MISP: variants seen among roughly 807,000 people sequenced by gnomAD.
MISP encodes the protein mitotic spindle positioning.
In MISP, 51 loss-of-function variants were observed where a neutral mutation model predicts 49.3. The ratio of observed to expected loss-of-function variants is 1.03; its 90% CI spans 0.83 to 1.31. MISP has a LOEUF of 1.31. Ranked by LOEUF, MISP falls within the 50% of genes most tolerant of loss-of-function variation. MISP has a pLI of 0.00. For missense variants in MISP, 1,084 were observed against 935.1 expected, an observed-to-expected ratio of 1.16 and a Z score of -2.08; for synonymous variants, 444 against 392.6, an observed-to-expected ratio of 1.13 and a Z score of -1.55.
chr19:753,993 C>G (rs575453809), intron 1 of MISP, among the ~76,000 whole-genome samples: 1 of 152,240 alleles, frequency 6.6e-6, no homozygotes, highest in South Asian at 2.1e-4. Context: ...ATCCCTGTGT[C>G]TTCAGGTGAG....
intron 1 of MISP, among the ~76,000 whole-genome samples, chr19:756,548 T>C (rs955398611): frequency 3.3e-5 from 5 of 152,196 alleles, no homozygotes; most frequent in African/African-American, 1.2e-4. Flanking sequence ...GGTGGGATGC[T>C]CTGATTGGCC....
chr19:753,744 T>C (rs2033499363), intron 1 of MISP, among the ~76,000 whole-genome samples: 1 of 150,078 alleles, frequency 6.7e-6, no homozygotes, highest in Admixed American at 6.7e-5. Flanking sequence ...AATAATAGCC[T>C]TGGTGGCCCG....
Position 761,678 on chromosome 19 carries a change from G to A in MISP, c.1950+15G>A, listed in dbSNP as rs376786085. 3.1e-5 allele frequency: 50 copies of A among 1,613,858 alleles called. No homozygotes were observed. Among genetic ancestry groups the A allele is most frequent in the Admixed American group, 6.7e-5 (4 of 59,992 alleles). On this transcript the variant is annotated intron_variant, in intron 4 of 4. Transcript: ENST00000215582. ...TCAACTCAGAGGTGAGTATGCTCCT[G>A]GGCACGAAGACTCAAGTCTTTCCCC...
In MISP at chr19:758,355, T is replaced by G. The variant is rs770341604; in HGVS notation, c.1409T>G (p.Leu470Arg). The change falls in exon 2 of 5, where the codon CTC (leucine) becomes CGC (arginine). Residue 470 changes from leucine (L) to arginine (R), a missense_variant. Transcript: ENST00000215582. Reference sequence around the variant, plus strand: ...AAGGCCACGATGTCCCCGAGGCATCTCTCAGAATCCTCTGGAAAACCCCTG... The same window carrying G: ...AAGGCCACGATGTCCCCGAGGCATCGCTCAGAATCCTCTGGAAAACCCCTG... ...SPKATMSPRH[L>R]SESSGKPLST... The G allele has an allele frequency of 6.2e-7, 1 of 1,614,126 alleles. No individual in the cohort carries two copies. Among genetic ancestry groups the G allele is most frequent in the South Asian group, 1.1e-5 (1 of 91,078 alleles).
At chr19:762,554 A>G (rs2033689970) in intron 4 of MISP, among the ~76,000 whole-genome samples, 1 of 152,178 alleles carries the variant, frequency 6.6e-6, no homozygotes, top group Admixed American at 6.5e-5. Context: ...CACCCAGCCA[A>G]AGGCACTTTC....
intron 1 of MISP, among the ~76,000 whole-genome samples, chr19:754,291 C>G (rs958374986): frequency 1.2e-4 from 18 of 152,190 alleles, no homozygotes; most frequent in Non-Finnish European, 1.5e-5. Context: ...GGTGAAACCC[C>G]GTCTCTACTA....
chr19:762,805 C>T (rs2033694464), intron 4 of MISP, among the ~76,000 whole-genome samples: 1 of 151,968 alleles, frequency 6.6e-6, no homozygotes, highest in Non-Finnish European at 1.5e-5. Context: ...TAGGAATGTG[C>T]CACTGCACCC....
chr19:752,541 G>C (rs1164010300), intron 1 of MISP, among the ~76,000 whole-genome samples: 1 of 150,332 alleles, frequency 6.7e-6, no homozygotes, highest in Non-Finnish European at 1.5e-5. Context: ...AAAGCGGGGG[G>C]CGGGGGTGGG....
At chr19:759,843 G>T in intron 2 of MISP, 66 bp from the exon 3 acceptor site, 1 of 1,584,706 alleles carries the variant, frequency 6.3e-7, no homozygotes, top group Non-Finnish European at 8.6e-7. Flanking sequence ...GCTGGCTAGA[G>T]ACTCTGTCTC....
At chr19:759,137 C>A (rs1175087440) in intron 2 of MISP, among the ~76,000 whole-genome samples, 1 of 151,982 alleles carries the variant, frequency 6.6e-6, no homozygotes, top group East Asian at 1.9e-4. Flanking sequence ...GATTCTCCTG[C>A]CTCAGCCTCC....
chr19:756,878 C>T lies in MISP; in HGVS notation c.-57-12C>T. Reference sequence around the variant, plus strand: ...CTGACTTGATGGCCCTCATTTCCTTCTCCTCCCTCAGTAAGCCCAGAGGTC... The same window carrying T: ...CTGACTTGATGGCCCTCATTTCCTTTTCCTCCCTCAGTAAGCCCAGAGGTC... On this transcript the variant is annotated splice_polypyrimidine_tract_variant and intron_variant, in intron 1 of 4. Coordinates refer to ENST00000215582, the MANE Select transcript of MISP (RefSeq NM_173481.4). The T allele has an allele frequency of 4.5e-6, 6 of 1,327,216 alleles. No individual in the cohort carries two copies. The highest frequency in any genetic ancestry group is 6.1e-6 in the Non-Finnish European group (6 of 985,128). 82.2% of individuals were successfully genotyped at this position (1,327,216 alleles called of 1,614,324 possible). A position where few individuals can be genotyped will look rare whatever the true frequency, so the allele number is the denominator to read the frequency against.
In MISP at chr19:757,652, A is replaced by G; in HGVS notation, c.706A>G (p.Lys236Glu). ...GASQAPKAFN[K>E]PHLANGHVVP... ...CAGCCAGGCCCCCAAGGCCTTCAAC[A>G]AGCCCCACCTGGCCAACGGGCACGT... is the stretch of plus-strand genomic sequence containing the variant. Residue 236 changes from lysine (K) to glutamate (E), a missense_variant, in exon 2 of 5, where the codon AAG becomes GAG. Physicochemically the swap from Lys to Glu is moderately conservative, Grantham distance 56. Transcript: ENST00000215582. The G allele has an allele frequency of 6.2e-7, 1 of 1,613,262 alleles. No homozygotes were observed. The highest frequency in any genetic ancestry group is 8.5e-7 in the Non-Finnish European group (1 of 1,179,762).
rs1346941717 is a variant in MISP, at chr19:759,789, G to C, written c.1781-120G>C. On this transcript the variant is annotated intron_variant, in intron 2 of 4. Coordinates refer to ENST00000215582, the MANE Select transcript of MISP (RefSeq NM_173481.4). The stretch of plus-strand genomic sequence containing the variant: ...CTTTGGTCAATCTGTCAGTTTCCCG[G>C]ATAGTCATCTGCTCTGTCTGTCCAT... 4 of 1,171,252 alleles carry C rather than the reference G, an allele frequency of 3.4e-6. No individual in the cohort carries two copies. The Admixed American group carries it at 9.6e-5, about 28-fold the overall frequency. 72.6% of individuals were successfully genotyped at this position (1,171,252 alleles called of 1,614,324 possible). A position where few individuals can be genotyped will look rare whatever the true frequency, so the allele number is the denominator to read the frequency against.
At chr19:754,564 T>C (rs2033515669) in intron 1 of MISP, among the ~76,000 whole-genome samples, 1 of 152,204 alleles carries the variant, frequency 6.6e-6, no homozygotes, top group African/African-American at 2.4e-5. Flanking sequence ...GAGGTGGAGA[T>C]TGCAGTGAGC....
At chr19:750,925 T>A (rs1305026812), upstream of MISP, among the ~76,000 whole-genome samples, 6 of 151,372 alleles carry the variant, frequency 4.0e-5, no homozygotes, top group African/African-American at 1.5e-4. Context: ...GCCCTGGGGG[T>A]GGAGGGGCAG....
intron 4 of MISP, among the ~76,000 whole-genome samples, chr19:762,872 A>G (rs779584423): frequency 1.3e-5 from 2 of 151,774 alleles, no homozygotes; most frequent in Non-Finnish European, 2.9e-5. Context: ...GAGTCTCACT[A>G]GGTTGCCCAG....
intron 2 of MISP, among the ~76,000 whole-genome samples, 181 bp from the exon 3 acceptor site, chr19:759,728 G>A (rs542129461): frequency 1.7e-4 from 26 of 152,184 alleles, no homozygotes; most frequent in Admixed American, 3.3e-4. Flanking sequence ...CTTGCATGTC[G>A]GCCCATCTGT....
At chr19:752,191 AAG>A (rs2033469271) in intron 1 of MISP, among the ~76,000 whole-genome samples, 1 of 152,144 alleles carries the variant, frequency 6.6e-6, no homozygotes, top group Admixed American at 6.5e-5. Context: ...GTGTTGCAGG[AAG>A]AGTCTCAGGA....
chr19:752,502 C>T (rs1329516342), intron 1 of MISP, among the ~76,000 whole-genome samples: 2 of 133,666 alleles, frequency 1.5e-5, no homozygotes, highest in Non-Finnish European at 3.0e-5. Flanking sequence ...CCAGCCTGGG[C>T]GACAGAGGGA....
Sources: allele counts gnomAD v4.1 joint callset (sites outside exome capture counted in the v4.1 genomes callset), GRCh38; gene constraint gnomAD v4.1.1; transcripts MANE v1.5; gene names NCBI Gene and HGNC (gene_info 2026-07-23, HGNC 2026-07-21).